Variants in RIMS2 observed in about 807,000 individuals in gnomAD.
RIMS2 encodes the protein regulating synaptic membrane exocytosis 2.
In RIMS2, 59 loss-of-function variants were observed where a neutral mutation model predicts 174.4. The ratio of observed to expected loss-of-function variants is 0.34; its 90% CI spans 0.27 to 0.42. The LOEUF (loss-of-function observed/expected upper bound fraction) is 0.42, where lower values mean the gene tolerates loss of function less well. RIMS2 is among the 10% of genes least tolerant of loss of function. RIMS2 has a pLI of 1.00. For missense variants in RIMS2, 1,620 were observed against 1,666.3 expected (o/e 0.97, Z 0.48); for synonymous variants, 606 against 572.5 (o/e 1.06, Z -0.84).
chr8:103,570,071 T>G (rs2092695933), intron 1 of RIMS2, among the ~76,000 whole-genome samples: 1 of 152,200 alleles, frequency 6.6e-6, no homozygotes, highest in Admixed American at 6.5e-5. Flanking sequence ...TCTTAAGACT[T>G]TTGTCAAATA....
At chr8:103,685,870 G>A (rs1282483517) in intron 1 of RIMS2, among the ~76,000 whole-genome samples, 1 of 152,058 alleles carries the variant, frequency 6.6e-6, no homozygotes, top group Admixed American at 6.6e-5. Flanking sequence ...AAAAAATGCT[G>A]GGAGTTTTAT....
chr8:103,553,482 G>T (rs1849001514), intron 1 of RIMS2, among the ~76,000 whole-genome samples: 1 of 152,032 alleles, frequency 6.6e-6, no homozygotes, highest in Non-Finnish European at 1.5e-5. Flanking sequence ...AGCATTAGGA[G>T]ATATACCTAA....
intron 19 of RIMS2, among the ~76,000 whole-genome samples, chr8:104,089,890 C>T (rs1287125065): frequency 6.6e-6 from 1 of 151,444 alleles, no homozygotes; most frequent in Non-Finnish European, 1.5e-5. Flanking sequence ...GGAGTGTATT[C>T]TTATCTCCCT....
At chr8:104,107,966 T>G in intron 19 of RIMS2, among the ~76,000 whole-genome samples, 1 of 109,760 alleles carries the variant, frequency 9.1e-6, no homozygotes, top group Non-Finnish European at 2.0e-5. Flanking sequence ...GTCTTTCCCC[T>G]GCCCCCCCCC....
At chr8:103,968,952 C>A (rs943372087) in intron 15 of RIMS2, among the ~76,000 whole-genome samples, 1 of 152,040 alleles carries the variant, frequency 6.6e-6, no homozygotes, top group Non-Finnish European at 1.5e-5. Flanking sequence ...CTTTCTCCTT[C>A]ACTTTTGAAG....
chr8:104,101,830 C>A (rs752998343), intron 19 of RIMS2, among the ~76,000 whole-genome samples: 3 of 152,120 alleles, frequency 2.0e-5, no homozygotes, highest in Middle Eastern at 3.2e-3. Context: ...TTTTATCAGG[C>A]AAACTTTATT....
At chr8:104,030,048 C>T (rs962069678) in intron 19 of RIMS2, among the ~76,000 whole-genome samples, 1 of 152,040 alleles carries the variant, frequency 6.6e-6, no homozygotes, top group Admixed American at 6.6e-5. Context: ...GCATATTTTT[C>T]CATTTTTGGC....
At chr8:104,130,958 G>A (rs780561272) in intron 19 of RIMS2, among the ~76,000 whole-genome samples, 43 of 152,170 alleles carry the variant, frequency 2.8e-4, no homozygotes, top group Non-Finnish European at 5.3e-4. Context: ...GAAAAGAGAA[G>A]GAGGTGAAGT....
intron 1 of RIMS2, among the ~76,000 whole-genome samples, chr8:103,674,505 T>G (rs890658099): frequency 2.0e-4 from 30 of 152,218 alleles, no homozygotes; most frequent in Non-Finnish European, 2.9e-4. Context: ...ATCTATATCT[T>G]TTTTATTTTT....
intron 19 of RIMS2, among the ~76,000 whole-genome samples, chr8:104,073,552 T>C (rs1323326637): frequency 1.3e-5 from 2 of 152,214 alleles, no homozygotes; most frequent in Non-Finnish European, 2.9e-5. Context: ...TATCATAATT[T>C]TCCATTCTCT....
intron 1 of RIMS2, among the ~76,000 whole-genome samples, chr8:103,673,104 G>A (rs1432070101): frequency 1.1e-4 from 17 of 152,198 alleles, no homozygotes; most frequent in Admixed American, 1.0e-3. Context: ...CATGTCCTGC[G>A]TGCAGGACAC....
chr8:104,063,670 G>T (rs1373452091), intron 19 of RIMS2, among the ~76,000 whole-genome samples: 2 of 152,046 alleles, frequency 1.3e-5, no homozygotes, highest in Non-Finnish European at 2.9e-5. Flanking sequence ...TGCATATTGG[G>T]CTTAAGAGTT....
intron 17 of RIMS2, among the ~76,000 whole-genome samples, chr8:103,999,623 C>A (rs1304058869): frequency 6.6e-6 from 1 of 151,590 alleles, no homozygotes; most frequent in Non-Finnish European, 1.5e-5. Flanking sequence ...ATGAATGAGA[C>A]ATTACTGATT....
chr8:103,752,429 T>C (rs2097905753), intron 2 of RIMS2, among the ~76,000 whole-genome samples: 1 of 152,190 alleles, frequency 6.6e-6, no homozygotes, highest in Admixed American at 6.5e-5. Context: ...GACTTGGCGA[T>C]GCGGGCTCTT....
chr8:103,845,736 T>C (rs896822859), intron 3 of RIMS2, among the ~76,000 whole-genome samples: 2 of 152,054 alleles, frequency 1.3e-5, no homozygotes, highest in Non-Finnish European at 2.9e-5. Flanking sequence ...GGGGTAAAGG[T>C]TGGGAAGAGC....
intron 1 of RIMS2, among the ~76,000 whole-genome samples, chr8:103,577,329 C>T (rs1407151992): frequency 2.0e-5 from 3 of 152,156 alleles, no homozygotes. Flanking sequence ...AAAAAATGCT[C>T]ATCATCACTG....
intron 1 of RIMS2, among the ~76,000 whole-genome samples, chr8:103,551,352 A>G (rs935198324): frequency 6.6e-6 from 1 of 152,216 alleles, no homozygotes; most frequent in Non-Finnish European, 1.5e-5. Flanking sequence ...CAAAAACCAC[A>G]TGATTATTTC....
At chr8:104,147,185 T>TTTCTC (rs950003668) in intron 19 of RIMS2, among the ~76,000 whole-genome samples, 10 of 151,932 alleles carry the variant, frequency 6.6e-5, no homozygotes, top group East Asian at 1.9e-4. Context: ...TCTCATCTCT[T>TTTCTC]TTCTCTTCTC....
intron 4 of RIMS2, among the ~76,000 whole-genome samples, chr8:103,907,994 C>T (rs530128054): frequency 2.9e-4 from 44 of 151,600 alleles, no homozygotes; most frequent in Middle Eastern, 3.4e-3. Context: ...GAGATCCGCC[C>T]GCCTCGGCCT....
Sources: gnomAD v4.1 joint callset for allele counts (sites outside exome capture counted in the v4.1 genomes callset) on GRCh38, gnomAD v4.1.1 for gene constraint, MANE v1.5 for transcripts, NCBI Gene and HGNC (gene_info 2026-07-23, HGNC 2026-07-21) for gene names.